Variants in SLC14A2 observed in about 807,000 individuals in gnomAD.
SLC14A2 encodes the protein urea transporter 2.
SLC14A2 carries 91 observed loss-of-function variants against 104.6 expected under a neutral mutation model. That is an observed-to-expected ratio of 0.87 (90% CI 0.73 to 1.04). SLC14A2 has a LOEUF of 1.04. Among genes scored for constraint, SLC14A2 ranks in the 50% least tolerant of loss-of-function variants. SLC14A2 has a pLI of 0.00. For missense variants in SLC14A2, 1,189 were observed against 1,156.0 expected (o/e 1.03, Z -0.41); for synonymous variants, 476 against 466.4 (o/e 1.02, Z -0.27).
intron 1 of SLC14A2, among the ~76,000 whole-genome samples, chr18:45,253,519 CAAAAAAA>C (rs796286941): frequency 7.6e-6 from 1 of 130,848 alleles, no homozygotes; most frequent in Non-Finnish European, 1.7e-5. Flanking sequence ...CAAATGACTG[CAAAAAAA>C]AAAAAAAATC....
chr18:45,627,538 G>C (rs1378340991), intron 4 of SLC14A2, among the ~76,000 whole-genome samples: 1 of 152,204 alleles, frequency 6.6e-6, no homozygotes, highest in Admixed American at 6.5e-5. Context: ...GAAGATTAGA[G>C]AGGCTACCTC....
At chr18:45,434,971 G>T (rs2086573564) in intron 1 of SLC14A2, among the ~76,000 whole-genome samples, 1 of 152,140 alleles carries the variant, frequency 6.6e-6, no homozygotes, top group Non-Finnish European at 1.5e-5. Context: ...TTTGGTATTT[G>T]AATAATAATC....
chr18:45,618,630 T>C (rs9964982), intron 1 of SLC14A2, among the ~76,000 whole-genome samples: 26 of 132,292 alleles, frequency 2.0e-4, no homozygotes, highest in African/African-American at 5.9e-4. Context: ...GATTGCACCA[T>C]TGCACTCCAA....
chr18:45,597,902 T>C (rs544211487), intron 2 of SLC14A2, among the ~76,000 whole-genome samples: 3 of 152,238 alleles, frequency 2.0e-5, no homozygotes, highest in South Asian at 2.1e-4. Context: ...TGCTGGTGCA[T>C]TGAGGTGTGG....
intron 1 of SLC14A2, among the ~76,000 whole-genome samples, chr18:45,360,807 A>G (rs899908974): frequency 1.8e-4 from 28 of 152,260 alleles, no homozygotes; most frequent in African/African-American, 6.8e-4. Flanking sequence ...AATGACAAGA[A>G]CTAACAGCTC....
intron 2 of SLC14A2, among the ~76,000 whole-genome samples, chr18:45,536,493 A>G (rs975390278): frequency 2.0e-5 from 3 of 152,096 alleles, no homozygotes; most frequent in Non-Finnish European, 2.9e-5. Context: ...TTGTGGATGC[A>G]TCACTCTAAC....
At chr18:45,420,721 G>A (rs530788419) in intron 1 of SLC14A2, among the ~76,000 whole-genome samples, 1 of 151,956 alleles carries the variant, frequency 6.6e-6, no homozygotes, top group East Asian at 1.9e-4. Context: ...GTTTGGTACA[G>A]GTGGAATTAT....
intron 1 of SLC14A2, among the ~76,000 whole-genome samples, chr18:45,338,144 C>G (rs2085354391): frequency 1.3e-5 from 2 of 152,152 alleles, no homozygotes; most frequent in African/African-American, 4.8e-5. Flanking sequence ...CCACCTATGA[C>G]CTGTAAGCTG....
chr18:45,633,867 A>C (rs1436372480), intron 5 of SLC14A2, among the ~76,000 whole-genome samples: 1 of 152,216 alleles, frequency 6.6e-6, no homozygotes, highest in Non-Finnish European at 1.5e-5. Flanking sequence ...TTTTCCTCTT[A>C]GGGTTTCGTT....
intron 2 of SLC14A2, among the ~76,000 whole-genome samples, chr18:45,499,882 G>A (rs1325845976): frequency 2.0e-5 from 3 of 152,112 alleles, no homozygotes; most frequent in Admixed American, 6.5e-5. Context: ...GCAAGACCAG[G>A]GCGCCTGCCA....
intron 1 of SLC14A2, among the ~76,000 whole-genome samples, chr18:45,391,498 C>G (rs940775756): frequency 6.6e-6 from 1 of 152,254 alleles, no homozygotes; most frequent in South Asian, 2.1e-4. Context: ...GAGGAATCGC[C>G]CCACTGACTT....
chr18:45,231,805 G>A (rs1330926811), intron 1 of SLC14A2, among the ~76,000 whole-genome samples: 1 of 152,234 alleles, frequency 6.6e-6, no homozygotes, highest in South Asian at 2.1e-4. Context: ...CATTCAGTGA[G>A]TAGTTACTGA....
At chr18:45,316,596 A>T (rs918056042) in intron 1 of SLC14A2, among the ~76,000 whole-genome samples, 2 of 152,216 alleles carry the variant, frequency 1.3e-5, no homozygotes, top group Non-Finnish European at 2.9e-5. Flanking sequence ...TAGACTTCTC[A>T]TGATGCGTGG....
chr18:45,429,597 A>G (rs193294735), intron 1 of SLC14A2, among the ~76,000 whole-genome samples: 1,950 of 152,354 alleles, frequency 0.013, 38 homozygotes, highest in African/African-American at 0.044. Context: ...TTAGAGTCAG[A>G]GGCCTCTCCA....
rs866422590 is a variant in SLC14A2, at chr18:45,235,813, G to A, written c.-125+22622G>A. ...TGTATGCGCGTGTGTGTGTGTGTGT[G>A]TATATATATATATATATACGTGTAT... On this transcript the variant is annotated intron_variant, in intron 1 of 20. Coordinates refer to the SLC14A2 transcript ENST00000586448. Among the ~76,000 whole-genome samples the A allele has an allele frequency of 6.4e-3, 597 of 93,324 alleles. 50 individuals carry two copies. Among genetic ancestry groups the A allele is most frequent in the African/African-American group, 0.025 (450 of 17,866 alleles). The allele number at this position is 93,324 out of a possible 152,430, so 61.2% of individuals were successfully genotyped here.
chr18:45,652,823 C>A (rs989173529), intron 10 of SLC14A2, among the ~76,000 whole-genome samples: 1 of 152,112 alleles, frequency 6.6e-6, no homozygotes, highest in Non-Finnish European at 1.5e-5. Context: ...TATTGCCCCA[C>A]CCTGAGTCTA....
chr18:45,627,746 C>T (rs1236317084), intron 4 of SLC14A2, among the ~76,000 whole-genome samples: 4 of 152,110 alleles, frequency 2.6e-5, no homozygotes, highest in Non-Finnish European at 4.4e-5. Context: ...CGGTGGCTCA[C>T]GCCTACAATC....
chr18:45,656,022 A>G (rs1397605759), intron 10 of SLC14A2, among the ~76,000 whole-genome samples: 1 of 152,216 alleles, frequency 6.6e-6, no homozygotes, highest in Non-Finnish European at 1.5e-5. Context: ...CCAATGCTCA[A>G]ACTCAAAGGA....
intron 5 of SLC14A2, among the ~76,000 whole-genome samples, chr18:45,636,188 T>C (rs2045413715): frequency 6.6e-6 from 1 of 152,234 alleles, no homozygotes; most frequent in Non-Finnish European, 1.5e-5. Context: ...TTGAAATTCA[T>C]GGTCATTCAT....
Sources: allele counts gnomAD v4.1 joint callset (sites outside exome capture counted in the v4.1 genomes callset), GRCh38; gene constraint gnomAD v4.1.1; transcripts MANE v1.5; gene names NCBI Gene and HGNC (gene_info 2026-07-23, HGNC 2026-07-21).